Variants in THRB observed in about 807,000 individuals in gnomAD.
The protein encoded by THRB is nuclear receptor subfamily 1 group A member 2.
A neutral mutation model predicts 47.8 loss-of-function variants in THRB; 12 were observed. The ratio of observed to expected loss-of-function variants is 0.25; its 90% CI spans 0.16 to 0.41. The LOEUF (loss-of-function observed/expected upper bound fraction) is 0.41. THRB is among the 10% of genes least tolerant of loss of function. The probability of loss-of-function intolerance (pLI) is 1.00; values close to 1 mark genes in which losing one functional copy is unlikely to be tolerated. For synonymous variants in THRB, 218 were observed against 212.2 expected (o/e 1.03, Z -0.24); for missense variants, 348 against 589.2 (o/e 0.59, Z 4.24).
At position 24,214,529 on chromosome 3, in the gene THRB, G is replaced by A. The variant is rs899257942; in HGVS notation, c.22+14409C>T. Among the ~76,000 whole-genome samples the A allele has an allele frequency of 4.6e-5, 7 of 152,226 alleles. No homozygotes were observed. The South Asian group carries it at 8.3e-4, about 18-fold the overall frequency. Reference sequence around the variant, plus strand: ...AGACAAGAAGGAGTCAAAGAGCACCGAAGGTGCCGGTTTCCTCAGGCAAAA... The same window carrying A: ...AGACAAGAAGGAGTCAAAGAGCACCAAAGGTGCCGGTTTCCTCAGGCAAAA... On this transcript the variant is annotated intron_variant, in intron 4 of 10. Transcript: ENST00000646209.
In THRB at chr3:24,487,008, C is replaced by A. The variant is rs576891760; in HGVS notation, c.-261+7644G>T. On this transcript the variant is annotated intron_variant, in intron 1 of 10. Coordinates refer to ENST00000646209, the MANE Select transcript of THRB (RefSeq NM_001354712.2). Reference sequence around the variant, plus strand: ...TCTCCAGCTTATATAAATTAATACACCTAAACAGCAGAAAGAAAGTCAAGG... The same window carrying A: ...TCTCCAGCTTATATAAATTAATACAACTAAACAGCAGAAAGAAAGTCAAGG... Among the ~76,000 whole-genome samples the A allele has an allele frequency of 5.9e-5, 9 of 152,172 alleles. No individual in the cohort carries two copies. In the East Asian group the frequency reaches 1.7e-3, roughly 29 times the overall value.
intron 1 of THRB, chr3:24,430,842 T>C (rs1325457991): frequency 6.6e-6 from 1 of 152,144 alleles, no homozygotes; most frequent in Non-Finnish European, 1.5e-5. Flanking sequence ...TACAAGGGCA[T>C]CCAGGGAGTG....
At chr3:24,440,954 C>G (rs958573067) in intron 1 of THRB, among the ~76,000 whole-genome samples, 1 of 152,196 alleles carries the variant, frequency 6.6e-6, no homozygotes, top group Non-Finnish European at 1.5e-5. Context: ...CAAGTTAGTT[C>G]AGCCCTTTGT....
At chr3:24,228,514 C>A (rs922957016) in intron 4 of THRB, among the ~76,000 whole-genome samples, 8 of 151,688 alleles carry the variant, frequency 5.3e-5, no homozygotes, top group African/African-American at 7.3e-5. Flanking sequence ...TACTGTAAAT[C>A]CAAGCACTTT....
intron 1 of THRB, among the ~76,000 whole-genome samples, chr3:24,359,567 A>G (rs1253576528): frequency 1.3e-5 from 2 of 152,146 alleles, no homozygotes; most frequent in Non-Finnish European, 2.9e-5. Flanking sequence ...GACCATGTTT[A>G]AAAACCACCA....
intron 3 of THRB, among the ~76,000 whole-genome samples, chr3:24,240,353 C>T (rs972075683): frequency 2.0e-5 from 3 of 152,062 alleles, no homozygotes; most frequent in Admixed American, 1.3e-4. Flanking sequence ...TTACTGAGCC[C>T]GCGTCAAATG....
At chr3:24,341,123 A>ATT (rs67375658) in intron 1 of THRB, among the ~76,000 whole-genome samples, 21 of 136,888 alleles carry the variant, frequency 1.5e-4, no homozygotes, top group African/African-American at 5.3e-4. Context: ...GTCAATATCT[A>ATT]TTTTTTTTTT....
At position 24,121,981 on chromosome 3, in the gene THRB, C is replaced by G. The variant is rs1175017075; in HGVS notation, c.*903G>C. The G allele has an allele frequency of 1.3e-5, 2 of 152,588 alleles. No homozygotes were observed. The highest frequency in any genetic ancestry group is 4.8e-5 in the African/African-American group (2 of 41,426). The allele number at this position is 152,588 out of a possible 1,614,324, so 9.5% of individuals were successfully genotyped here. On this transcript the variant is annotated 3_prime_UTR_variant, in exon 11 of 11. Transcript: ENST00000646209. ...TGTTGTCAGCTCAGCAAAGATACAA[C>G]CTGGATAAAGAACTTCAGGAGCTTG...
At chr3:24,416,025 T>A (rs2068703794) in intron 1 of THRB, among the ~76,000 whole-genome samples, 1 of 151,924 alleles carries the variant, frequency 6.6e-6, no homozygotes, top group East Asian at 2.0e-4. Flanking sequence ...AAATCCAAAC[T>A]ATTTCAGAAG....
chr3:24,430,650 C>A (rs1487352352), intron 1 of THRB: 7 of 151,930 alleles, frequency 4.6e-5, no homozygotes, highest in African/African-American at 1.7e-4. Flanking sequence ...AAAATATAGA[C>A]TAGAAAGAAG....
At chr3:24,214,915 A>T (rs1184620688) in intron 4 of THRB, among the ~76,000 whole-genome samples, 1 of 152,240 alleles carries the variant, frequency 6.6e-6, no homozygotes, top group Non-Finnish European at 1.5e-5. Context: ...ATGCCCTTGC[A>T]AATTAAACAT....
intron 1 of THRB, among the ~76,000 whole-genome samples, chr3:24,435,715 A>C (rs2070875303): frequency 6.6e-6 from 1 of 152,212 alleles, no homozygotes; most frequent in South Asian, 2.1e-4. Context: ...AAACCAAATC[A>C]GTCCCCAAAG....
intron 6 of THRB, among the ~76,000 whole-genome samples, chr3:24,152,038 G>C (rs2037035175): frequency 6.6e-6 from 1 of 152,188 alleles, no homozygotes; most frequent in Non-Finnish European, 1.5e-5. Flanking sequence ...AAGAGAAACA[G>C]TCATTTCTCG....
chr3:24,313,958 A>T (rs2057937817), intron 2 of THRB, among the ~76,000 whole-genome samples: 1 of 152,256 alleles, frequency 6.6e-6, no homozygotes, highest in Admixed American at 6.5e-5. Flanking sequence ...AAAAGGGAAC[A>T]TAATCATGAA....
intron 4 of THRB, among the ~76,000 whole-genome samples, chr3:24,200,063 G>A (rs1286843855): frequency 6.6e-6 from 1 of 152,108 alleles, no homozygotes. Context: ...CAAACTTTGA[G>A]GTAATTACTC....
intron 3 of THRB, among the ~76,000 whole-genome samples, chr3:24,238,733 G>C (rs939091818): frequency 6.6e-6 from 1 of 152,098 alleles, no homozygotes; most frequent in Non-Finnish European, 1.5e-5. Flanking sequence ...TTAACCCTGG[G>C]ATAAAAAGAA....
At chr3:24,431,261 T>C (rs866418066) in intron 1 of THRB, among the ~76,000 whole-genome samples, 1 of 135,708 alleles carries the variant, frequency 7.4e-6, no homozygotes, top group African/African-American at 2.7e-5. Flanking sequence ...TCTCTCTCTC[T>C]ACACACACAC....
chr3:24,251,015 T>C (rs2050611852), intron 3 of THRB, among the ~76,000 whole-genome samples: 1 of 150,732 alleles, frequency 6.6e-6, no homozygotes, highest in Non-Finnish European at 1.5e-5. Context: ...ACTTAGAAAC[T>C]AAATAGAAAA....
chr3:24,317,436 C>T (rs1457727881), intron 2 of THRB, among the ~76,000 whole-genome samples: 1 of 152,158 alleles, frequency 6.6e-6, no homozygotes, highest in Non-Finnish European at 1.5e-5. Context: ...CATCAGGACT[C>T]GCTTGATTTC....
Sources: allele counts gnomAD v4.1 joint callset (sites outside exome capture counted in the v4.1 genomes callset), GRCh38; gene constraint gnomAD v4.1.1; transcripts MANE v1.5; gene names NCBI Gene and HGNC (gene_info 2026-07-23, HGNC 2026-07-21).